The following INPP5A variants were observed in gnomAD, a reference collection of about 807,000 sequenced individuals.
The protein encoded by INPP5A is 43 kDa inositol polyphosphate 5-phophatase.
Under a neutral mutation model 65.2 loss-of-function variants are expected in INPP5A, and 14 were observed. That is an observed-to-expected ratio of 0.21 (90% CI 0.14 to 0.34). The LOEUF (loss-of-function observed/expected upper bound fraction) is 0.34. Ranked by LOEUF, INPP5A falls within the 10% of genes least tolerant of loss-of-function variation. INPP5A has a pLI of 1.00. For synonymous variants in INPP5A, 207 were observed against 208.3 expected, an observed-to-expected ratio of 0.99 and a Z score of 0.05; for missense variants, 431 against 545.6, an observed-to-expected ratio of 0.79 and a Z score of 2.09.
At position 132,699,166 on chromosome 10, in the gene INPP5A, C is replaced by T. The variant is rs80170840; in HGVS notation, c.474+1247C>T. Reference sequence around the variant, plus strand: ...CATGACAGCCTCCCTGAAGGGGCCACCTGTGGTGCAGGCCCATCGGAAGGG... The same window carrying T: ...CATGACAGCCTCCCTGAAGGGGCCATCTGTGGTGCAGGCCCATCGGAAGGG... On this transcript the variant is annotated intron_variant, in intron 6 of 15. Transcript: ENST00000368594. Among the ~76,000 whole-genome samples, 11 of 152,306 alleles carry T rather than the reference C, an allele frequency of 7.2e-5. 1 individual carries two copies. The East Asian group carries it at 1.5e-3, about 21-fold the overall frequency.
In INPP5A at chr10:132,671,614, C is replaced by T. The variant is rs571143210; in HGVS notation, c.307-18778C>T. Among the ~76,000 whole-genome samples, 175 of 152,320 alleles carry T rather than the reference C, an allele frequency of 1.1e-3. 1 individual carries two copies. Among genetic ancestry groups the T allele is most frequent in the African/African-American group, 3.9e-3 (161 of 41,562 alleles). On this transcript the variant is annotated intron_variant, in intron 4 of 15. Transcript: ENST00000368594. ...AAGGATGTGTTGGGGCCGTATTCTGCGGCTCCTCCAGCATGGGAAGGTGCT... is the reference window on the plus strand; with the variant it reads ...AAGGATGTGTTGGGGCCGTATTCTGTGGCTCCTCCAGCATGGGAAGGTGCT...
At chr10:132,751,592 G>T (rs963085737) in intron 11 of INPP5A, among the ~76,000 whole-genome samples, 2 of 152,232 alleles carry the variant, frequency 1.3e-5, no homozygotes, top group Non-Finnish European at 2.9e-5. Context: ...AGAGCCTGGG[G>T]AGCACAGATG....
chr10:132,740,662 T>C (rs1253815696), intron 9 of INPP5A, among the ~76,000 whole-genome samples: 5 of 152,234 alleles, frequency 3.3e-5, no homozygotes, highest in Admixed American at 3.3e-4. Flanking sequence ...TCCCTGCTGC[T>C]AGAGAGTGGC....
chr10:132,749,940 C>T, intron 11 of INPP5A, 95 bp downstream of exon 11: 2 of 1,058,650 alleles, frequency 1.9e-6, no homozygotes, highest in Non-Finnish European at 2.9e-6. Context: ...ACCACCCTGC[C>T]TTGTCCCTGC....
At chr10:132,757,710 C>T (rs987625954) in intron 11 of INPP5A, among the ~76,000 whole-genome samples, 3 of 152,094 alleles carry the variant, frequency 2.0e-5, no homozygotes, top group Non-Finnish European at 4.4e-5. Context: ...CCGAGCCCCA[C>T]AGCCCGGCAC....
chr10:132,540,443 C>T (rs2070893020), intron 1 of INPP5A, among the ~76,000 whole-genome samples: 1 of 152,186 alleles, frequency 6.6e-6, no homozygotes, highest in Admixed American at 6.5e-5. Flanking sequence ...CTGAAAGGTG[C>T]ATTGTGATTT....
intron 1 of INPP5A, among the ~76,000 whole-genome samples, chr10:132,566,508 C>T (rs1050480889): frequency 5.3e-5 from 8 of 152,162 alleles, no homozygotes; most frequent in Non-Finnish European, 1.0e-4. Context: ...CAAATAAACT[C>T]GATCCAATGT....
chr10:132,559,600 G>C (rs576260272), intron 1 of INPP5A, among the ~76,000 whole-genome samples: 1 of 152,310 alleles, frequency 6.6e-6, no homozygotes, highest in East Asian at 1.9e-4. Flanking sequence ...CCTTCGCATC[G>C]TACTTCACGT....
chr10:132,781,786 G>A (rs1847166205), intron 14 of INPP5A, 75 bp from the exon 15 acceptor site: 1 of 1,219,718 alleles, frequency 8.2e-7, no homozygotes, highest in South Asian at 1.2e-5. Context: ...GTCTGGGGGT[G>A]CAACGGGAGG....
rs536070075 is a variant in INPP5A, at chr10:132,686,305, T to G, written c.307-4087T>G. On this transcript the variant is annotated intron_variant, in intron 4 of 15. Transcript: ENST00000368594. ...GTCCTCGCAGAAGCATCACAGCTAA[T>G]GGCTGCATTTCACTAATGCAGAATT... is the stretch of plus-strand genomic sequence containing the variant. Among the ~76,000 whole-genome samples the G allele has an allele frequency of 2.0e-5, 3 of 152,390 alleles. No homozygotes were observed. In the East Asian group the frequency reaches 5.8e-4, roughly 29 times the overall value.
At chr10:132,632,637 C>G (rs894560780) in intron 2 of INPP5A, among the ~76,000 whole-genome samples, 1 of 152,184 alleles carries the variant, frequency 6.6e-6, no homozygotes, top group Non-Finnish European at 1.5e-5. Context: ...GTCATGGGCA[C>G]TGACTGAATT....
chr10:132,713,096 G>A (rs1012914924), intron 8 of INPP5A, among the ~76,000 whole-genome samples: 6 of 151,808 alleles, frequency 4.0e-5, no homozygotes, highest in Non-Finnish European at 8.8e-5. Context: ...GGATATGTGT[G>A]CAGGTACATG....
intron 2 of INPP5A, among the ~76,000 whole-genome samples, chr10:132,623,713 A>C (rs186099144): frequency 6.6e-6 from 1 of 152,242 alleles, no homozygotes; most frequent in African/African-American, 2.4e-5. Context: ...GAAAAGACAT[A>C]TCACAGATTG....
intron 9 of INPP5A, among the ~76,000 whole-genome samples, chr10:132,748,196 G>T (rs757569840): frequency 6.6e-6 from 1 of 151,180 alleles, no homozygotes; most frequent in Non-Finnish European, 1.5e-5. Context: ...CCCGGCCCCC[G>T]CAGTCTCCTT....
Position 132,546,747 on chromosome 10 carries a change from C to T in INPP5A, c.75+8576C>T, listed in dbSNP as rs1262519479. ...CACTGCATACCCCGGGCCCCCTGGG[C>T]TCTGGCCTGTCCCCTTGTCCCCACC... On this transcript the variant is annotated intron_variant, in intron 1 of 15. Transcript: ENST00000368594. This position sits in a 1 kb window ranked among gnomAD's most constrained non-coding sequence, Gnocchi z 5.7. Among the ~76,000 whole-genome samples, 1 of 152,214 alleles carries T rather than the reference C, an allele frequency of 6.6e-6. No individual in the cohort carries two copies. Among genetic ancestry groups the T allele is most frequent in the Non-Finnish European group, 1.5e-5 (1 of 68,026 alleles).
Position 132,650,413 on chromosome 10 carries a change from T to G in INPP5A, c.219-5T>G. 1 of 1,610,900 alleles carries G rather than the reference T, an allele frequency of 6.2e-7. No homozygotes were observed. Among genetic ancestry groups the G allele is most frequent in the Non-Finnish European group, 8.5e-7 (1 of 1,177,150 alleles). On this transcript the variant is annotated splice_polypyrimidine_tract_variant and splice_region_variant and intron_variant, in intron 3 of 15. Transcript: ENST00000368594. This position sits in a 1 kb window ranked among gnomAD's most constrained non-coding sequence, Gnocchi z 5.5. ...TTCCTCAGGAACCTACTTTCTTCCT[T>G]CCAGAGAACTATTGTCGAGTGATGC... is the stretch of plus-strand genomic sequence containing the variant.
intron 4 of INPP5A, among the ~76,000 whole-genome samples, chr10:132,685,510 G>C (rs916558454): frequency 5.3e-5 from 8 of 152,274 alleles, no homozygotes; most frequent in African/African-American, 1.7e-4. Flanking sequence ...GCACGAGGGA[G>C]CTGGGTGCAG....
intron 5 of INPP5A, among the ~76,000 whole-genome samples, chr10:132,693,076 G>T (rs1311195718): frequency 2.0e-5 from 3 of 152,128 alleles, no homozygotes; most frequent in Non-Finnish European, 2.9e-5. Flanking sequence ...TCGTTTTAAG[G>T]AATATAGTAT....
At chr10:132,604,109 C>T (rs558320992) in intron 1 of INPP5A, among the ~76,000 whole-genome samples, 1 of 145,476 alleles carries the variant, frequency 6.9e-6, no homozygotes, top group East Asian at 2.1e-4. Context: ...CTGTCAGGGT[C>T]CCCTCTCCGG....
Sources: gnomAD v4.1 joint callset for allele counts (sites outside exome capture counted in the v4.1 genomes callset) on GRCh38, gnomAD v4.1.1 for gene constraint, Gnocchi (gnomAD v3.1) non-coding constraint, MANE v1.5 for transcripts, NCBI Gene and HGNC (gene_info 2026-07-23, HGNC 2026-07-21) for gene names.